DARS1: variants seen among roughly 807,000 people sequenced by gnomAD.
The protein encoded by DARS1 is aspartyl-tRNA synthetase 1, also known as aspartate--tRNA ligase, cytoplasmic.
Under a neutral mutation model 68.8 loss-of-function variants are expected in DARS1, and 51 were observed. The ratio of observed to expected loss-of-function variants is 0.74; its 90% CI spans 0.59 to 0.94. The LOEUF (loss-of-function observed/expected upper bound fraction) is 0.94. DARS1 is among the 40% of genes least tolerant of loss of function. The pLI is 0.00. For synonymous variants in DARS1, 203 were observed against 190.4 expected (o/e 1.07, Z -0.55); for missense variants, 607 against 597.3 (o/e 1.02, Z -0.17).
chr2:135,942,565 A>G (rs1164227566), intron 5 of DARS1, among the ~76,000 whole-genome samples: 2 of 151,932 alleles, frequency 1.3e-5, no homozygotes. Context: ...ATGACGAGTT[A>G]ATGGGTGCAG....
At chr2:135,922,266 A>G (rs1446205195) in intron 9 of DARS1, among the ~76,000 whole-genome samples, 4 of 152,196 alleles carry the variant, frequency 2.6e-5, no homozygotes, top group Non-Finnish European at 4.4e-5. Flanking sequence ...ACAGAGGTAC[A>G]CTGTAAACTT....
chr2:135,913,304 C>T (rs1347875848), intron 12 of DARS1, among the ~76,000 whole-genome samples: 1 of 151,758 alleles, frequency 6.6e-6, no homozygotes, highest in African/African-American at 2.4e-5. Context: ...GATTATCTTC[C>T]CAAGAATTTA....
rs1681037011 is a variant in DARS1, at chr2:135,917,755, A to T, written c.960-1383T>A. 2.0e-5 allele frequency among the ~76,000 whole-genome samples: 3 copies of T among 152,098 alleles called. No individual in the cohort carries two copies. In the South Asian group the frequency reaches 6.2e-4, roughly 32 times the overall value. On this transcript the variant is annotated intron_variant, in intron 10 of 15. Transcript: ENST00000264161. ...CGGCCTCCCAAAGTGTTAGGATTAC[A>T]GATGTGCACCATGCCCGGCCTAGAA...
chr2:135,943,179 G>T, intron 5 of DARS1, 199 bp downstream of exon 5: 2 of 698,888 alleles, frequency 2.9e-6, no homozygotes, highest in Non-Finnish European at 2.2e-6. Flanking sequence ...TCACAGAATT[G>T]TAAGCAAATA....
intron 3 of DARS1, among the ~76,000 whole-genome samples, chr2:135,964,400 G>A (rs1480961950): frequency 2.0e-5 from 3 of 152,152 alleles, no homozygotes; most frequent in Non-Finnish European, 4.4e-5. Context: ...AGAAAGGTAA[G>A]GGCTGAAAGG....
intron 3 of DARS1, among the ~76,000 whole-genome samples, chr2:135,963,794 C>T (rs1682152282): frequency 6.6e-6 from 1 of 151,946 alleles, no homozygotes. Context: ...ATTCTCCTGT[C>T]TCAGCCTCCT....
intron 12 of DARS1, 21 bp downstream of exon 12, chr2:135,914,448 C>A: frequency 8.8e-7 from 1 of 1,140,594 alleles, no homozygotes; most frequent in Middle Eastern, 1.9e-4. Context: ...AAAAAGAAAT[C>A]CAGCATATAA....
intron 5 of DARS1, among the ~76,000 whole-genome samples, chr2:135,938,159 C>T (rs545304042): frequency 6.6e-6 from 1 of 152,156 alleles, no homozygotes; most frequent in East Asian, 1.9e-4. Flanking sequence ...TCACATAGTC[C>T]CATGTTTCTT....
intron 15 of DARS1, among the ~76,000 whole-genome samples, chr2:135,907,675 A>C (rs985443346): frequency 6.6e-6 from 1 of 152,210 alleles, no homozygotes; most frequent in African/African-American, 2.4e-5. Flanking sequence ...CGAATGAACA[A>C]AATCTATGAT....
chr2:135,964,098 G>C (rs1227916111), intron 3 of DARS1, among the ~76,000 whole-genome samples: 1 of 152,132 alleles, frequency 6.6e-6, no homozygotes, highest in African/African-American at 2.4e-5. Flanking sequence ...CTGGGAACAC[G>C]AACGTAAGTA....
chr2:135,930,330 T>C (rs1681314410), intron 7 of DARS1, among the ~76,000 whole-genome samples: 1 of 152,198 alleles, frequency 6.6e-6, no homozygotes, highest in Admixed American at 6.5e-5. Context: ...TGTGGTGTAT[T>C]AGCAAACAAA....
intron 15 of DARS1, among the ~76,000 whole-genome samples, chr2:135,907,858 C>T (rs919053937): frequency 1.6e-4 from 24 of 152,026 alleles, no homozygotes; most frequent in African/African-American, 5.3e-4. Flanking sequence ...ACATGGTGGA[C>T]CCTACGATAA....
intron 1 of DARS1, among the ~76,000 whole-genome samples, chr2:135,984,994 T>C (rs1682738881): frequency 6.6e-6 from 1 of 152,228 alleles, no homozygotes; most frequent in Non-Finnish European, 1.5e-5. Context: ...GTACTGTCAT[T>C]ACTTGCTAAA....
chr2:135,950,650 T>C (rs1401619079), intron 4 of DARS1, among the ~76,000 whole-genome samples: 1 of 152,184 alleles, frequency 6.6e-6, no homozygotes. Flanking sequence ...CCTTTCCAAT[T>C]ATACTTAGAA....
At chr2:135,978,346 T>C (rs975043329) in intron 3 of DARS1, among the ~76,000 whole-genome samples, 1 of 152,150 alleles carries the variant, frequency 6.6e-6, no homozygotes, top group African/African-American at 2.4e-5. Context: ...CAAAGAACTC[T>C]GCTAAAGAGA....
chr2:135,922,913 T>C lies in DARS1; in HGVS notation c.682A>G (p.Ser228Gly), dbSNP rs1262591200. 1.3e-6 allele frequency: 2 copies of C among 1,544,182 alleles called. No individual in the cohort carries two copies. Among genetic ancestry groups the C allele is most frequent in the African/African-American group, 1.4e-5 (1 of 71,620 alleles). ...IQTPKIISAA[S>G]EGGANVFTVS... The stretch of plus-strand genomic sequence containing the variant: ...GTAAAAACATTGGCTCCTCCTTCAC[T>C]GGCAGCTGAAAGGTAAACATTTATA... Residue 228 changes from serine to glycine, a missense_variant, in exon 9 of 16, where the codon AGT becomes GGT. By Grantham distance (56) the Ser-to-Gly change is moderately conservative (BLOSUM62 0). Coordinates refer to ENST00000264161, the MANE Select transcript of DARS1 (RefSeq NM_001349.4).
intron 1 of DARS1, 28 bp downstream of exon 1, chr2:135,985,375 C>T: frequency 6.2e-7 from 1 of 1,611,572 alleles, no homozygotes; most frequent in Non-Finnish European, 8.5e-7. Context: ...GGTCTGTCCT[C>T]CCAGGCCCAG....
chr2:135,928,150 T>G (rs1681264489), intron 7 of DARS1, among the ~76,000 whole-genome samples: 1 of 152,172 alleles, frequency 6.6e-6, no homozygotes. Flanking sequence ...ATTAGACTTG[T>G]AGCTTTTAAA....
Position 135,941,531 on chromosome 2 carries a change from C to T in DARS1, c.423+1847G>A, listed in dbSNP as rs1446715618. Reference sequence around the variant, plus strand: ...ATTCAAGATGGATTAAAGACTTAAACGTTAGACCTAAAACCATAAAAACCC... The same window carrying T: ...ATTCAAGATGGATTAAAGACTTAAATGTTAGACCTAAAACCATAAAAACCC... On this transcript the variant is annotated intron_variant, in intron 5 of 15. Transcript: ENST00000264161. Among the ~76,000 whole-genome samples the T allele has an allele frequency of 4.0e-5, 6 of 151,650 alleles. No homozygotes were observed. In the South Asian group the frequency reaches 6.3e-4, roughly 16 times the overall value.
Sources: gnomAD v4.1 joint callset for allele counts (sites outside exome capture counted in the v4.1 genomes callset) on GRCh38, gnomAD v4.1.1 for gene constraint, MANE v1.5 for transcripts, NCBI Gene and HGNC (gene_info 2026-07-23, HGNC 2026-07-21) for gene names.